The following DOCK3 variants were observed in gnomAD, a reference collection of about 807,000 sequenced individuals.
The protein encoded by DOCK3 is dedicator of cytokinesis protein 3.
DOCK3 carries 60 observed loss-of-function variants against 265.6 expected under a neutral mutation model. The observed-to-expected ratio is 0.23, with a 90% CI of 0.18 to 0.28. DOCK3 has a LOEUF of 0.28. Ranked by LOEUF, DOCK3 falls within the 10% of genes least tolerant of loss-of-function variation. DOCK3 has a pLI of 1.00. For synonymous variants in DOCK3, 881 were observed against 938.0 expected (o/e 0.94, Z 1.11); for missense variants, 1,981 against 2,594.3 (o/e 0.76, Z 5.14).
chr3:51,107,556 T>G (rs562154233), intron 9 of DOCK3, among the ~76,000 whole-genome samples: 6 of 152,256 alleles, frequency 3.9e-5, no homozygotes, highest in Admixed American at 3.3e-4. Flanking sequence ...AGAAGAAGTA[T>G]TAACAGCAGA....
chr3:50,885,645 T>G (rs1299930087), intron 3 of DOCK3, among the ~76,000 whole-genome samples: 1 of 152,112 alleles, frequency 6.6e-6, no homozygotes, highest in Non-Finnish European at 1.5e-5. Context: ...GGGAGTCCTA[T>G]TAATGCTGGT....
At chr3:51,068,444 G>A (rs937877786) in intron 6 of DOCK3, among the ~76,000 whole-genome samples, 1 of 150,490 alleles carries the variant, frequency 6.6e-6, no homozygotes, top group African/African-American at 2.4e-5. Context: ...GGAGGGTGAG[G>A]CAGGAGAATG....
At chr3:51,177,028 A>G (rs1338503455) in intron 12 of DOCK3, among the ~76,000 whole-genome samples, 1 of 152,152 alleles carries the variant, frequency 6.6e-6, no homozygotes, top group African/African-American at 2.4e-5. Context: ...TACTCTGTCT[A>G]CTTTCAGGGC....
chr3:51,267,743 A>G (rs2080275667), intron 23 of DOCK3, among the ~76,000 whole-genome samples: 2 of 152,136 alleles, frequency 1.3e-5, no homozygotes, highest in Non-Finnish European at 2.9e-5. Context: ...AACCAACCCA[A>G]ATGCCCATCA....
intron 1 of DOCK3, among the ~76,000 whole-genome samples, chr3:50,759,414 G>A (rs2040395341): frequency 1.3e-5 from 2 of 152,078 alleles, no homozygotes; most frequent in Admixed American, 1.3e-4. Context: ...TGGGTATGAA[G>A]TGGCATCTCA....
intron 3 of DOCK3, among the ~76,000 whole-genome samples, chr3:50,855,060 G>A (rs1419969774): frequency 1.3e-5 from 2 of 152,124 alleles, no homozygotes; most frequent in African/African-American, 4.8e-5. Context: ...GTTAGGTTAT[G>A]TGATGCTCCT....
Position 51,260,180 on chromosome 3 carries a change from A to G in DOCK3, c.2209A>G (p.Ile737Val), listed in dbSNP as rs759958297. The G allele has an allele frequency of 1.1e-5, 18 of 1,613,220 alleles. No homozygotes were observed. Among genetic ancestry groups the G allele is most frequent in the Non-Finnish European group, 1.5e-5 (18 of 1,179,638 alleles). Residue 737 changes from isoleucine (I) to valine (V), a missense_variant, in exon 23 of 53, where the codon ATT (isoleucine) becomes GTT (valine). Around this residue, in one of 4 missense-constraint regions of DOCK3, gnomAD observed 1,357 missense variants for 1,866.8 expected, o/e 0.73. Transcript: ENST00000266037. ...GGCCTTGGAGTACCTTTTCAAGTTC[A>G]TTGTACAGTCACGGATCCTGTACTC... Reference protein sequence around the residue: ...MRALEYLFKFIVQSRILYSRA... With the variant: ...MRALEYLFKFVVQSRILYSRA...
At chr3:50,791,621 G>C (rs2042483366) in intron 2 of DOCK3, among the ~76,000 whole-genome samples, 1 of 152,094 alleles carries the variant, frequency 6.6e-6, no homozygotes, top group Non-Finnish European at 1.5e-5. Context: ...GTGTAAGGAA[G>C]GGGTCCAGTT....
intron 2 of DOCK3, among the ~76,000 whole-genome samples, chr3:50,835,541 G>A (rs2045453927): frequency 6.6e-6 from 1 of 152,038 alleles, no homozygotes; most frequent in Admixed American, 6.5e-5. Context: ...AATTCCTTAG[G>A]GCAGCCTGTA....
At chr3:51,137,308 T>C (rs1249355332) in intron 9 of DOCK3, among the ~76,000 whole-genome samples, 1 of 152,188 alleles carries the variant, frequency 6.6e-6, no homozygotes, top group Non-Finnish European at 1.5e-5. Context: ...CCTGGCAGGT[T>C]ATCATGAGAG....
intron 9 of DOCK3, among the ~76,000 whole-genome samples, chr3:51,123,557 T>C (rs988919608): frequency 6.6e-6 from 1 of 151,236 alleles, no homozygotes; most frequent in Non-Finnish European, 1.5e-5. Flanking sequence ...ACACAGACTT[T>C]GGAGGAATCT....
intron 5 of DOCK3, among the ~76,000 whole-genome samples, chr3:50,997,522 A>G (rs996769421): frequency 2.6e-5 from 4 of 152,176 alleles, no homozygotes; most frequent in African/African-American, 9.7e-5. Flanking sequence ...ACTTATGTCT[A>G]TATTATTTGA....
intron 5 of DOCK3, among the ~76,000 whole-genome samples, chr3:50,963,187 A>G (rs977214623): frequency 2.0e-5 from 3 of 152,226 alleles, no homozygotes; most frequent in African/African-American, 7.2e-5. Flanking sequence ...TCTCAAAAAC[A>G]AAAACAAAAA....
intron 10 of DOCK3, among the ~76,000 whole-genome samples, chr3:51,148,476 G>T (rs1429940112): frequency 6.6e-6 from 1 of 152,112 alleles, no homozygotes; most frequent in Non-Finnish European, 1.5e-5. Flanking sequence ...ATGGTTTTAG[G>T]TCCAACATTT....
At chr3:51,323,491 A>G (rs933876932) in intron 32 of DOCK3, among the ~76,000 whole-genome samples, 6 of 152,236 alleles carry the variant, frequency 3.9e-5, no homozygotes, top group Non-Finnish European at 7.3e-5. Flanking sequence ...GAGAATGGAA[A>G]TCATAACAAA....
chr3:51,108,149 C>T (rs2109805160), intron 9 of DOCK3, among the ~76,000 whole-genome samples: 1 of 152,160 alleles, frequency 6.6e-6, no homozygotes, highest in East Asian at 1.9e-4. Flanking sequence ...AGCAGTTCTC[C>T]TCAGCCTCCC....
intron 27 of DOCK3, among the ~76,000 whole-genome samples, chr3:51,301,496 A>G (rs562013458): frequency 6.6e-6 from 1 of 151,798 alleles, no homozygotes; most frequent in African/African-American, 2.4e-5. Flanking sequence ...TAGTTGTGAT[A>G]TTAGAAAGAT....
At chr3:50,907,196 G>C (rs1445176197) in intron 4 of DOCK3, among the ~76,000 whole-genome samples, 1 of 152,128 alleles carries the variant, frequency 6.6e-6, no homozygotes, top group African/African-American at 2.4e-5. Flanking sequence ...TTTGGAATAA[G>C]TGTGACGTGG....
At position 51,108,798 on chromosome 3, in the gene DOCK3, A is replaced by G. The variant is rs977580965; in HGVS notation, c.746+18414A>G. Among the ~76,000 whole-genome samples the G allele has an allele frequency of 3.3e-5, 5 of 152,242 alleles. No individual in the cohort carries two copies. In the East Asian group the frequency reaches 5.8e-4, roughly 18 times the overall value. On this transcript the variant is annotated intron_variant, in intron 9 of 52. Coordinates refer to ENST00000266037, the MANE Select transcript of DOCK3 (RefSeq NM_004947.5). ...GATCAAAAAGACAAAAGAGCATTATATAATGGTAAAGGGTTCAATTCAACA... is the reference window on the plus strand; with the variant it reads ...GATCAAAAAGACAAAAGAGCATTATGTAATGGTAAAGGGTTCAATTCAACA...
Sources: allele counts gnomAD v4.1 joint callset (sites outside exome capture counted in the v4.1 genomes callset), GRCh38; gene constraint gnomAD v4.1.1; regional missense constraint gnomAD v4.1.1; transcripts MANE v1.5; gene names NCBI Gene and HGNC (gene_info 2026-07-23, HGNC 2026-07-21).